The following SLC26A4 variants were observed in gnomAD, a reference collection of about 807,000 sequenced individuals.
SLC26A4 encodes solute carrier family 26 member 4.
A neutral mutation model predicts 90.4 loss-of-function variants in SLC26A4; 93 were observed. The ratio of observed to expected loss-of-function variants is 1.03; its 90% CI spans 0.87 to 1.22. The LOEUF (loss-of-function observed/expected upper bound fraction) is 1.22, where lower values mean the gene tolerates loss of function less well. Among genes scored for constraint, SLC26A4 ranks in the 50% most tolerant of loss-of-function variants. The pLI, the probability that SLC26A4 is intolerant of heterozygous loss-of-function variation, is 0.00. For missense variants in SLC26A4, 1,127 were observed against 946.2 expected, an observed-to-expected ratio of 1.19 and a Z score of -2.51; for synonymous variants, 393 against 354.6, an observed-to-expected ratio of 1.11 and a Z score of -1.22.
In SLC26A4 at chr7:107,710,157, C is replaced by A. The variant is rs542580504; in HGVS notation, c.2193C>A (p.Asn731Lys). The stretch of plus-strand genomic sequence containing the variant: ...ATGATGCTATACTCTATCTACAGAA[C>A]CAAGTGAAATCTCAAGAGGGTCAAG... ...TVHDAILYLQNQVKSQEGQGS... is the reference protein window; with the variant it reads ...TVHDAILYLQKQVKSQEGQGS... The change falls in exon 19 of 21, where the codon AAC (asparagine) becomes AAA (lysine). Residue 731 changes from asparagine to lysine, a missense_variant. Coordinates refer to ENST00000644269, the MANE Select transcript of SLC26A4 (RefSeq NM_000441.2). The A allele has an allele frequency of 2.3e-5, 37 of 1,608,448 alleles. No homozygotes were observed. In the South Asian group the frequency reaches 3.7e-4, roughly 16 times the overall value.
chr7:107,661,677 G>T lies in SLC26A4; in HGVS notation c.36G>T (p.Gln12His). ...AAPGGRSEPP[Q>H]LPEYSCSYMV... ...CAGGCGGCAGGTCGGAGCCGCCGCA[G>T]CTCCCCGAGTACAGCTGCAGCTACA... The change falls in exon 2 of 21, where the codon CAG (glutamine) becomes CAT (histidine). Residue 12 changes from glutamine (Q) to histidine (H), a missense_variant. By Grantham distance (24) the Gln-to-His change is conservative. Coordinates refer to ENST00000644269, the MANE Select transcript of SLC26A4 (RefSeq NM_000441.2). The surrounding 1 kb of genome is among the most constrained non-coding windows in gnomAD (Gnocchi z 5.1). 2 of 1,571,660 alleles carry T rather than the reference G, an allele frequency of 1.3e-6. No individual in the cohort carries two copies. Among genetic ancestry groups the T allele is most frequent in the African/African-American group, 1.3e-5 (1 of 74,444 alleles).
chr7:107,689,098 G>A lies in SLC26A4; in HGVS notation c.1047G>A (p.Met349Ile), dbSNP rs180671153. ...ELPPVSLFSE[M>I]LAASFSIAVV... is the part of the protein sequence containing the mutation. ...CACCTGTGAGCTTGTTCTCGGAGAT[G>A]CTGGCTGCATCATTTTCCATCGCTG... is the stretch of plus-strand genomic sequence containing the variant. The change falls in exon 9 of 21, where the codon ATG (methionine) becomes ATA (isoleucine). Residue 349 changes from methionine (M) to isoleucine (I), a missense_variant. Coordinates refer to ENST00000644269, the MANE Select transcript of SLC26A4 (RefSeq NM_000441.2). 3.7e-5 allele frequency: 59 copies of A among 1,613,988 alleles called. No individual in the cohort carries two copies. The highest frequency in any genetic ancestry group is 4.7e-5 in the Non-Finnish European group (56 of 1,179,884).
chr7:107,674,234 CG>C lies in SLC26A4; in HGVS notation c.487del (p.Val163TyrfsTer9), dbSNP rs1562823675. On this transcript the variant is annotated frameshift_variant, in exon 5 of 21. Coordinates refer to ENST00000644269, the MANE Select transcript of SLC26A4 (RefSeq NM_000441.2). LOFTEE classifies it high-confidence loss of function. ...LSMAPDEHFL[V>X]SSSNGTVLNT... ...GCATGGCCCCCGACGAACACTTTCT[CG>C]TATCCAGCAGCAATGGAACTGTATT... 6.2e-7 allele frequency: 1 copy of C among 1,614,036 alleles called. No homozygotes were observed. The highest frequency in any genetic ancestry group is 8.5e-7 in the Non-Finnish European group (1 of 1,179,976).
rs2129316945 is a variant in SLC26A4 at position 107,694,651 on chromosome 7, C to A, written c.1372C>A (p.Leu458Met). The A allele has an allele frequency of 6.2e-7, 1 of 1,613,708 alleles. No individual in the cohort carries two copies. The highest frequency in any genetic ancestry group is 8.5e-7 in the Non-Finnish European group (1 of 1,179,626). The change falls in exon 12 of 21, where the codon CTG becomes ATG. Residue 458 changes from leucine (L) to methionine (M), a missense_variant. Physicochemically the swap from Leu to Met is conservative, Grantham distance 15. Coordinates refer to ENST00000644269, the MANE Select transcript of SLC26A4 (RefSeq NM_000441.2). ...SVLAAVVIANLKGMFMQLCDI... is the reference protein window; with the variant it reads ...SVLAAVVIANMKGMFMQLCDI... ...CTTGGCAGCTGTTGTAATTGCCAACCTGAAAGGGATGTTTATGCAGCTGTG... is the reference window on the plus strand; with the variant it reads ...CTTGGCAGCTGTTGTAATTGCCAACATGAAAGGGATGTTTATGCAGCTGTG...
At chr7:107,697,202 G>C (rs1042687207) in intron 13 of SLC26A4, among the ~76,000 whole-genome samples, 1 of 152,088 alleles carries the variant, frequency 6.6e-6, no homozygotes, top group South Asian at 2.1e-4. Flanking sequence ...GTGTGGATGT[G>C]GTTGGAAAAG....
chr7:107,662,407 C>T (rs1039202633), intron 2 of SLC26A4, among the ~76,000 whole-genome samples: 1 of 152,168 alleles, frequency 6.6e-6, no homozygotes, highest in South Asian at 2.1e-4. Flanking sequence ...CATTATAGAA[C>T]ATTTCAAATA....
At chr7:107,696,164 T>G in intron 13 of SLC26A4, 125 bp downstream of exon 13, 1 of 751,188 alleles carries the variant, frequency 1.3e-6, no homozygotes, top group South Asian at 1.4e-5. Context: ...TGAGTGCTTC[T>G]ATGCATTAAG....
Position 107,683,203 on chromosome 7 carries a change from C to G in SLC26A4, c.767C>G (p.Thr256Arg). The G allele has an allele frequency of 6.2e-7, 1 of 1,610,494 alleles. No homozygotes were observed. The highest frequency in any genetic ancestry group is 2.2e-5 in the East Asian group (1 of 44,850). The change falls in exon 7 of 21, where the codon ACG (threonine) becomes AGG (arginine). Residue 256 changes from threonine (T) to arginine (R), a missense_variant and splice_region_variant. Physicochemically the swap from Thr to Arg is moderately conservative, Grantham distance 71. Coordinates refer to ENST00000644269, the MANE Select transcript of SLC26A4 (RefSeq NM_000441.2). ...TATAAAATTATTTTCTTTTTATAGA[C>G]GCTGGTTGAGATTTTTCAAAATATT... ...NYNGVLSIIY[T>R]LVEIFQNIGD...
chr7:107,675,632 G>A (rs1353397816), intron 6 of SLC26A4, among the ~76,000 whole-genome samples: 1 of 146,624 alleles, frequency 6.8e-6, no homozygotes, highest in African/African-American at 2.5e-5. Flanking sequence ...GGAGTGCAGT[G>A]GCATGATATT....
At chr7:107,681,696 CT>C (rs1791234378) in intron 6 of SLC26A4, among the ~76,000 whole-genome samples, 2 of 152,170 alleles carry the variant, frequency 1.3e-5, no homozygotes, top group South Asian at 4.1e-4. Flanking sequence ...GGGATTCTTC[CT>C]TGCTAATTTC....
At chr7:107,663,706 CG>C (rs1790635073) in intron 3 of SLC26A4, among the ~76,000 whole-genome samples, 1 of 152,050 alleles carries the variant, frequency 6.6e-6, no homozygotes, top group Admixed American at 6.6e-5. Flanking sequence ...TTATTTGAGA[CG>C]GGGGCTCGCT....
In SLC26A4 at chr7:107,686,400, C is replaced by T. The variant is rs964267554; in HGVS notation, c.1002-2653C>T. 2.5e-3 allele frequency among the ~76,000 whole-genome samples: 211 copies of T among 82,918 alleles called. 1 individual carries two copies. Among genetic ancestry groups the T allele is most frequent in the African/African-American group, 8.7e-3 (182 of 21,006 alleles). 54.4% of individuals were successfully genotyped at this position (82,918 alleles called of 152,430 possible). ...CCCCTTCCTTCCTTCCTTCCTCTCT[C>T]TCTTTTTTCTTTCTTTCTTTCTTTC... On this transcript the variant is annotated intron_variant, in intron 8 of 20. Transcript: ENST00000644269.
At chr7:107,674,498 G>A (rs1158323978) in intron 5 of SLC26A4, 150 bp downstream of exon 5, 13 of 712,704 alleles carry the variant, frequency 1.8e-5, no homozygotes, top group Non-Finnish European at 2.6e-5. Context: ...TTTTAGGTCA[G>A]GTGCTAAAAT....
At chr7:107,708,285 TCC>T (rs1352417560) in intron 18 of SLC26A4, among the ~76,000 whole-genome samples, 1 of 152,210 alleles carries the variant, frequency 6.6e-6, no homozygotes, top group East Asian at 1.9e-4. Flanking sequence ...CTTCATTTGG[TCC>T]TATACTTCCT....
At chr7:107,694,569 A>C in intron 11 of SLC26A4, 52 bp from the exon 12 acceptor site, 1 of 1,539,046 alleles carries the variant, frequency 6.5e-7, no homozygotes, top group South Asian at 1.1e-5. Context: ...AACAATCATC[A>C]CATGGAAAAC....
intron 6 of SLC26A4, among the ~76,000 whole-genome samples, chr7:107,676,533 A>G (rs1432883503): frequency 2.0e-5 from 3 of 152,262 alleles, no homozygotes; most frequent in African/African-American, 7.2e-5. Context: ...GGATCTAAAA[A>G]TGTGTTCTAC....
chr7:107,695,849 T>C (rs888467779), intron 12 of SLC26A4, 84 bp from the exon 13 acceptor site: 5 of 814,042 alleles, frequency 6.1e-6, no homozygotes, highest in African/African-American at 1.7e-5. Context: ...TTGTGGATCA[T>C]TGATCTTATT....
chr7:107,694,833 A>C (rs1405012109), intron 12 of SLC26A4, 117 bp downstream of exon 12: 7 of 747,790 alleles, frequency 9.4e-6, no homozygotes, highest in African/African-American at 1.7e-5. Context: ...GGAACTCCAG[A>C]GGAGAAATTA....
In SLC26A4 at chr7:107,691,276, C is replaced by T. The variant is rs149139643; in HGVS notation, c.1263+1039C>T. On this transcript the variant is annotated intron_variant, in intron 10 of 20. Transcript: ENST00000644269. ...CAGCACTTTGGGAGGCTGAGGTGGG[C>T]GGATCAATTGAGGTCAGGAGTTCGA... is the stretch of plus-strand genomic sequence containing the variant. Among the ~76,000 whole-genome samples the T allele has an allele frequency of 4.1e-3, 626 of 151,678 alleles. 2 individuals are homozygous for T. Among genetic ancestry groups the T allele is most frequent in the African/African-American group, 0.014 (575 of 41,370 alleles).
Sources: gnomAD v4.1 joint callset for allele counts (sites outside exome capture counted in the v4.1 genomes callset) on GRCh38, gnomAD v4.1.1 for gene constraint, Gnocchi (gnomAD v3.1) non-coding constraint, MANE v1.5 for transcripts, NCBI Gene and HGNC (gene_info 2026-07-23, HGNC 2026-07-21) for gene names.